ARK2C: variants seen among roughly 807,000 people sequenced by gnomAD.
ARK2C encodes arkadia (RNF111) C-terminal like ring finger ubiquitin ligase 2C.
At chr18:46,357,846 G>C in the ARK2C span, among the ~76,000 whole-genome samples, 1 of 152,202 alleles carries the variant, frequency 6.6e-6, no homozygotes, top group Non-Finnish European at 1.5e-5. Context: ...GCTGTCCGCG[G>C]GGCCAGCCGT....
At chr18:46,352,914 T>TCCA in the ARK2C span, among the ~76,000 whole-genome samples, 10 of 152,240 alleles carry the variant, frequency 6.6e-5, no homozygotes, top group African/African-American at 2.4e-4. Flanking sequence ...ACGTCAGGTC[T>TCCA]TACATTGATC....
chr18:46,388,675 C>T, the ARK2C span, among the ~76,000 whole-genome samples: 1 of 152,080 alleles, frequency 6.6e-6, no homozygotes, highest in African/African-American at 2.4e-5. Flanking sequence ...GAAGAAGGGG[C>T]TTGGGGCTGG....
the ARK2C span, among the ~76,000 whole-genome samples, chr18:46,437,065 C>A: frequency 6.6e-6 from 1 of 152,162 alleles, no homozygotes; most frequent in South Asian, 2.1e-4. Context: ...CTTTCTTAAT[C>A]ATTTAAACCA....
At chr18:46,365,498 A>G in the ARK2C span, among the ~76,000 whole-genome samples, 5 of 151,314 alleles carry the variant, frequency 3.3e-5, no homozygotes, top group Non-Finnish European at 5.9e-5. Context: ...GTGATCTTGA[A>G]TTTTTTTTTG....
chr18:46,434,027 C>T, the ARK2C span, among the ~76,000 whole-genome samples: 3 of 152,182 alleles, frequency 2.0e-5, no homozygotes, highest in Non-Finnish European at 4.4e-5. Context: ...CAAGAGCCCA[C>T]GGTCTAGATA....
chr18:46,348,444 G>A, the ARK2C span, among the ~76,000 whole-genome samples: 1 of 152,190 alleles, frequency 6.6e-6, no homozygotes, highest in Non-Finnish European at 1.5e-5. Context: ...TGTGTCCTGA[G>A]CTAAGGGCTG....
the ARK2C span, among the ~76,000 whole-genome samples, chr18:46,391,683 A>G: frequency 6.6e-6 from 1 of 151,912 alleles, no homozygotes; most frequent in East Asian, 1.9e-4. Context: ...CCTGGTGTAA[A>G]GGGCTTGGGA....
chr18:46,424,542 T>C, the ARK2C span, among the ~76,000 whole-genome samples: 1 of 152,320 alleles, frequency 6.6e-6, no homozygotes, highest in Non-Finnish European at 1.5e-5. Flanking sequence ...TCAGGTCTGC[T>C]CTGTCCAGCT....
chr18:46,334,819 T>G, the ARK2C span: 1 of 191,024 alleles, frequency 5.2e-6, no homozygotes, highest in Non-Finnish European at 1.0e-5. This position sits in a 1 kb window ranked among gnomAD's most constrained non-coding sequence, Gnocchi z 4.4. Flanking sequence ...TGTATTCATT[T>G]TTTGTTCATT....
chr18:46,406,862 A>G, the ARK2C span, among the ~76,000 whole-genome samples: 5 of 152,236 alleles, frequency 3.3e-5, no homozygotes, highest in African/African-American at 1.2e-4. Flanking sequence ...AGGCAGCTCC[A>G]GGCTCTGGCC....
chr18:46,437,311 AT>A, the ARK2C span, among the ~76,000 whole-genome samples: 37 of 152,074 alleles, frequency 2.4e-4, no homozygotes, highest in Non-Finnish European at 5.0e-4. Context: ...GGGTTTTGTG[AT>A]TGATTGTGCT....
chr18:46,368,740 A>T, the ARK2C span, among the ~76,000 whole-genome samples: 1 of 152,232 alleles, frequency 6.6e-6, no homozygotes, highest in African/African-American at 2.4e-5. Flanking sequence ...TTAGAGCAAG[A>T]ATGCCTGGGT....
the ARK2C span, among the ~76,000 whole-genome samples, chr18:46,363,852 C>A: frequency 3.3e-5 from 5 of 152,142 alleles, no homozygotes; most frequent in South Asian, 4.2e-4. Flanking sequence ...GAGGGTGTGA[C>A]CTCCAGGGTC....
chr18:46,346,370 G>T, the ARK2C span, among the ~76,000 whole-genome samples: 2 of 152,194 alleles, frequency 1.3e-5, no homozygotes, highest in Non-Finnish European at 2.9e-5. Context: ...ACAGTACTGT[G>T]CGAACATCAC....
chr18:46,361,182 A>G, the ARK2C span, among the ~76,000 whole-genome samples: 1 of 151,534 alleles, frequency 6.6e-6, no homozygotes, highest in Non-Finnish European at 1.5e-5. Flanking sequence ...ACCTTTTGAA[A>G]CTCCTTAGAG....
chr18:46,444,350 C>T, the ARK2C span, among the ~76,000 whole-genome samples: 30 of 152,044 alleles, frequency 2.0e-4, no homozygotes, highest in Admixed American at 6.6e-4. Context: ...TTTTTTCTGT[C>T]ATCTACCTTC....
the ARK2C span, chr18:46,334,474 C>CCTAA: frequency 1.4e-6 from 1 of 698,194 alleles, no homozygotes; most frequent in Non-Finnish European, 2.1e-6. This position sits in a 1 kb window ranked among gnomAD's most constrained non-coding sequence, Gnocchi z 4.4. Flanking sequence ...CCCCCCACCC[C>CCTAA]ATTTTAGGGG....
At chr18:46,462,546 T>C in the ARK2C span, 1 of 152,956 alleles carries the variant, frequency 6.5e-6, no homozygotes, top group Non-Finnish European at 1.5e-5. Flanking sequence ...TGCCCCTCTC[T>C]GGGCTTCCTG....
At chr18:46,382,886 C>T in the ARK2C span, among the ~76,000 whole-genome samples, 2 of 152,236 alleles carry the variant, frequency 1.3e-5, no homozygotes, top group Non-Finnish European at 2.9e-5. Context: ...CCGTCAGAGC[C>T]TCGGGACTGC....
Sources: gnomAD v4.1 joint callset for allele counts (sites outside exome capture counted in the v4.1 genomes callset) on GRCh38, gnomAD v4.1.1 for gene constraint, Gnocchi (gnomAD v3.1) non-coding constraint, MANE v1.5 for transcripts, NCBI Gene and HGNC (gene_info 2026-07-23, HGNC 2026-07-21) for gene names.